The following HS3ST2 variants were observed in gnomAD, a reference collection of about 807,000 sequenced individuals.
HS3ST2 encodes heparan sulfate-glucosamine 3-sulfotransferase 2.
HS3ST2 carries 17 observed loss-of-function variants against 26.3 expected under a neutral mutation model. The observed-to-expected ratio is 0.65, with a 90% CI of 0.44 to 0.97. HS3ST2 has a LOEUF of 0.97. Ranked by LOEUF, HS3ST2 falls within the 50% of genes least tolerant of loss-of-function variation. The probability of loss-of-function intolerance (pLI) is 0.00; values close to 1 mark genes in which losing one functional copy is unlikely to be tolerated. For synonymous variants in HS3ST2, 237 were observed against 219.2 expected, an observed-to-expected ratio of 1.08 and a Z score of -0.72; for missense variants, 402 against 501.2, an observed-to-expected ratio of 0.80 and a Z score of 1.89.
chr16:22,827,246 G>A (rs1901101578), intron 1 of HS3ST2, among the ~76,000 whole-genome samples: 1 of 152,220 alleles, frequency 6.6e-6, no homozygotes, highest in Admixed American at 6.5e-5. Context: ...TGCCCAAGAA[G>A]TGCACAAGGG....
intron 1 of HS3ST2, among the ~76,000 whole-genome samples, chr16:22,898,424 G>A (rs1902236471): frequency 6.6e-6 from 1 of 152,202 alleles, no homozygotes; most frequent in South Asian, 2.1e-4. Context: ...TTAGAGTGAT[G>A]AGGAAATAAG....
chr16:22,894,939 T>TTA (rs2141202246), intron 1 of HS3ST2, among the ~76,000 whole-genome samples: 1 of 152,304 alleles, frequency 6.6e-6, no homozygotes, highest in African/African-American at 2.4e-5. Flanking sequence ...ATTTTGATAT[T>TTA]TATATTTTTT....
chr16:22,817,328 C>T lies in HS3ST2; in HGVS notation c.485+2233C>T, dbSNP rs571467072. Among the ~76,000 whole-genome samples the T allele has an allele frequency of 3.9e-5, 6 of 152,146 alleles. No individual in the cohort carries two copies. The South Asian group carries it at 1.3e-3, about 32-fold the overall frequency. On this transcript the variant is annotated intron_variant, in intron 1 of 1. Coordinates refer to ENST00000261374, the MANE Select transcript of HS3ST2 (RefSeq NM_006043.2). ...CTTGACCAGGAAGGCTGGGAGGCTC[C>T]AGTGTCAGGAAAAGGCTGTGTGGTT... is the stretch of plus-strand genomic sequence containing the variant.
intron 1 of HS3ST2, among the ~76,000 whole-genome samples, chr16:22,824,686 G>A (rs958668177): frequency 6.6e-6 from 1 of 152,206 alleles, no homozygotes; most frequent in Middle Eastern, 3.2e-3. Context: ...TTCTTTGTGT[G>A]CTTTTAACTG....
intron 1 of HS3ST2, among the ~76,000 whole-genome samples, chr16:22,861,629 C>T (rs913893259): frequency 1.3e-5 from 2 of 152,232 alleles, no homozygotes; most frequent in African/African-American, 4.8e-5. Context: ...CTAAAAGAAA[C>T]ACAATTTTTA....
chr16:22,854,355 T>A (rs1901560754), intron 1 of HS3ST2, among the ~76,000 whole-genome samples: 2 of 152,204 alleles, frequency 1.3e-5, no homozygotes, highest in African/African-American at 4.8e-5. Flanking sequence ...GTCTCTTTTT[T>A]ATGAATTTTT....
At chr16:22,832,696 T>TA (rs987217601) in intron 1 of HS3ST2, among the ~76,000 whole-genome samples, 15 of 151,352 alleles carry the variant, frequency 9.9e-5, no homozygotes, top group Non-Finnish European at 2.2e-4. Context: ...TGCTGGTGGA[T>TA]AAAAAGATCC....
At chr16:22,819,595 C>A (rs752334873) in intron 1 of HS3ST2, among the ~76,000 whole-genome samples, 1 of 152,098 alleles carries the variant, frequency 6.6e-6, no homozygotes, top group Non-Finnish European at 1.5e-5. Context: ...CCAACAAGAG[C>A]AAGTTAATAT....
chr16:22,841,979 G>C (rs1567484953), intron 1 of HS3ST2, among the ~76,000 whole-genome samples: 1 of 151,472 alleles, frequency 6.6e-6, no homozygotes, highest in Non-Finnish European at 1.5e-5. Context: ...TCTGAATCTA[G>C]ACAATCTGTC....
chr16:22,888,393 C>CTTTTTTTTCTTTTTTTT (rs1902091652), intron 1 of HS3ST2, among the ~76,000 whole-genome samples: 1 of 91,424 alleles, frequency 1.1e-5, no homozygotes, highest in South Asian at 3.7e-4. Context: ...TTTTTTTTTT[C>CTTTTTTTTCTTTTTTTT]TTTTTTTTTT....
chr16:22,833,711 A>G (rs1217997764), intron 1 of HS3ST2, among the ~76,000 whole-genome samples: 2 of 152,324 alleles, frequency 1.3e-5, no homozygotes, highest in East Asian at 3.9e-4. Context: ...AAACAGTGGA[A>G]TCACACTACA....
At chr16:22,882,464 T>A (rs1902001184) in intron 1 of HS3ST2, among the ~76,000 whole-genome samples, 1 of 152,192 alleles carries the variant, frequency 6.6e-6, no homozygotes, top group Non-Finnish European at 1.5e-5. Context: ...CTGGGTGCAG[T>A]GGCTCATGCC....
At chr16:22,900,223 G>A (rs1187785514) in intron 1 of HS3ST2, among the ~76,000 whole-genome samples, 1 of 152,220 alleles carries the variant, frequency 6.6e-6, no homozygotes, top group Non-Finnish European at 1.5e-5. Context: ...TCTGGGAGTT[G>A]CCATGCATGC....
At chr16:22,909,178 G>A (rs1160472408) in intron 1 of HS3ST2, among the ~76,000 whole-genome samples, 1 of 152,170 alleles carries the variant, frequency 6.6e-6, no homozygotes, top group Non-Finnish European at 1.5e-5. Context: ...CCCACCCTTG[G>A]CCCATCAAGA....
chr16:22,820,272 C>T (rs933269773), intron 1 of HS3ST2, among the ~76,000 whole-genome samples: 2 of 152,158 alleles, frequency 1.3e-5, no homozygotes, highest in Non-Finnish European at 2.9e-5. Flanking sequence ...CATGGAGGAA[C>T]ATTCGGAATG....
intron 1 of HS3ST2, among the ~76,000 whole-genome samples, chr16:22,867,806 G>A (rs1337243120): frequency 1.8e-4 from 27 of 152,148 alleles, no homozygotes; most frequent in Admixed American, 1.8e-3. Flanking sequence ...TATGTTTTTA[G>A]AAAACAATTT....
chr16:22,839,275 A>C (rs1182549482), intron 1 of HS3ST2, among the ~76,000 whole-genome samples: 2 of 152,248 alleles, frequency 1.3e-5, no homozygotes, highest in Non-Finnish European at 2.9e-5. Context: ...GCACCCACTG[A>C]AAACACATCA....
intron 1 of HS3ST2, among the ~76,000 whole-genome samples, chr16:22,827,887 T>C (rs1243264362): frequency 2.0e-5 from 3 of 151,750 alleles, no homozygotes; most frequent in Admixed American, 2.0e-4. Context: ...TTTTTGTATT[T>C]TTTTTAGGGA....
At chr16:22,888,124 T>A (rs904619520) in intron 1 of HS3ST2, among the ~76,000 whole-genome samples, 7 of 152,192 alleles carry the variant, frequency 4.6e-5, no homozygotes, top group Non-Finnish European at 8.8e-5. Flanking sequence ...TTTATTGGCT[T>A]CCTTTCTGAC....
Sources: allele counts gnomAD v4.1 joint callset (sites outside exome capture counted in the v4.1 genomes callset), GRCh38; gene constraint gnomAD v4.1.1; transcripts MANE v1.5; gene names NCBI Gene and HGNC (gene_info 2026-07-23, HGNC 2026-07-21).